Variants in ZNF251 observed in about 807,000 individuals in gnomAD.
ZNF251 encodes zinc finger protein 251.
Under a neutral mutation model 13.5 loss-of-function variants are expected in ZNF251, and 14 were observed. The ratio of observed to expected loss-of-function variants is 1.04; its 90% CI spans 0.69 to 1.63. The LOEUF (loss-of-function observed/expected upper bound fraction) is 1.63. Ranked by LOEUF, ZNF251 falls within the 40% of genes most tolerant of loss-of-function variation. ZNF251 has a pLI of 0.00. For synonymous variants in ZNF251, 287 were observed against 295.2 expected (o/e 0.97, Z 0.28); for missense variants, 764 against 834.9 (o/e 0.92, Z 1.05).
chr8:144,735,322 G>A (rs1823846240), intron 4 of ZNF251, among the ~76,000 whole-genome samples: 1 of 149,880 alleles, frequency 6.7e-6, no homozygotes, highest in South Asian at 2.1e-4. Context: ...AGGAGGCAGA[G>A]GTTGCAGTGA....
At chr8:144,742,901 ATG>A (rs1416037635) in intron 4 of ZNF251, among the ~76,000 whole-genome samples, 1 of 152,078 alleles carries the variant, frequency 6.6e-6, no homozygotes, top group African/African-American at 2.4e-5. Flanking sequence ...TGGGTTTCAC[ATG>A]TGTTTGGTTG....
chr8:144,755,113 G>A, intron 1 of ZNF251: 1 of 1,227,208 alleles, frequency 8.1e-7, no homozygotes, highest in East Asian at 5.1e-5. Context: ...GGGGCAAAGA[G>A]CCACGTGAGG....
chr8:144,727,614 G>A (rs188735566), intron 4 of ZNF251, among the ~76,000 whole-genome samples: 4 of 152,200 alleles, frequency 2.6e-5, no homozygotes, highest in African/African-American at 9.6e-5. Flanking sequence ...CTCAGCTTTC[G>A]CATAATTGAA....
rs900178114 is a variant in ZNF251 at position 144,755,426 on chromosome 8, G to C, written c.-97C>G. ...CCACCTGTTTGCTCGACCCGGGGAA[G>C]CCACCGAGGAAGCGCCGAGGAGCTG... On this transcript the variant is annotated 5_prime_UTR_variant, in exon 1 of 5. Coordinates refer to ENST00000292562, the MANE Select transcript of ZNF251 (RefSeq NM_138367.2). 3.9e-6 allele frequency: 5 copies of C among 1,287,914 alleles called. No homozygotes were observed. Among genetic ancestry groups the C allele is most frequent in the Admixed American group, 2.3e-5 (1 of 43,578 alleles). 79.8% of individuals were successfully genotyped at this position (1,287,914 alleles called of 1,614,324 possible). A position where few individuals can be genotyped will look rare whatever the true frequency, so the allele number is the denominator to read the frequency against.
chr8:144,739,914 C>T (rs1381151511), intron 4 of ZNF251, among the ~76,000 whole-genome samples: 1 of 151,732 alleles, frequency 6.6e-6, no homozygotes, highest in East Asian at 1.9e-4. Context: ...AAAAGCATTT[C>T]ATTATCTGGT....
chr8:144,733,397 C>T (rs1189651450), intron 4 of ZNF251, among the ~76,000 whole-genome samples: 1 of 152,208 alleles, frequency 6.6e-6, no homozygotes, highest in Non-Finnish European at 1.5e-5. Context: ...CAGTGCAGCA[C>T]GCCTGTTTCT....
chr8:144,747,330 T>C (rs1824475515), intron 4 of ZNF251, among the ~76,000 whole-genome samples: 1 of 152,096 alleles, frequency 6.6e-6, no homozygotes, highest in African/African-American at 2.4e-5. Flanking sequence ...CATTCTATGT[T>C]TTCTATTCTT....
In ZNF251 at chr8:144,740,077, G is replaced by A. The variant is rs556542377; in HGVS notation, c.277+13606C>T. ...GAGGCGGGCAGATCACCTGAGGTCC[G>A]GAGTTCGAGACCAGCCTGACCAACA... On this transcript the variant is annotated intron_variant, in intron 4 of 4. Transcript: ENST00000292562. Among the ~76,000 whole-genome samples, 39 of 151,980 alleles carry A rather than the reference G, an allele frequency of 2.6e-4. 1 individual carries two copies. In the South Asian group the frequency reaches 7.9e-3, roughly 31 times the overall value.
intron 4 of ZNF251, among the ~76,000 whole-genome samples, chr8:144,727,240 T>C (rs1823546545): frequency 1.3e-5 from 2 of 152,228 alleles, no homozygotes; most frequent in Admixed American, 1.3e-4. Flanking sequence ...GCCGGTTCCA[T>C]GGCTGGGTCT....
intron 1 of ZNF251, 193 bp from the exon 2 acceptor site, chr8:144,754,996 T>G (rs1824891119): frequency 7.2e-7 from 1 of 1,391,428 alleles, no homozygotes; most frequent in South Asian, 1.7e-5. Context: ...CCCGGGGGGA[T>G]CCAGGGACGC....
At chr8:144,743,279 G>A (rs1226998724) in intron 4 of ZNF251, among the ~76,000 whole-genome samples, 13 of 152,146 alleles carry the variant, frequency 8.5e-5, no homozygotes, top group Non-Finnish European at 1.5e-4. Context: ...GGCCAGGCTC[G>A]TCTCGAACTG....
rs1217671788 is a variant in ZNF251, at chr8:144,722,519, G to A, written c.1141C>T (p.Gln381Ter). ...HTGEKPHKCN[Q>*]CGKAFSQSSS... ...CTCTGACTGAAGGCCTTCCCACACT[G>A]ATTGCATTTATGGGGCTTCTCTCCA... The change falls in exon 5 of 5, where the codon CAG (glutamine) becomes TAG (stop). Residue 381 changes from glutamine (Q) to a stop codon, truncating the protein, a stop_gained. Coordinates refer to ENST00000292562, the MANE Select transcript of ZNF251 (RefSeq NM_138367.2). LOFTEE classifies it low-confidence loss of function (END_TRUNC). This position sits in a 1 kb window ranked among gnomAD's most constrained non-coding sequence, Gnocchi z 4.8. The A allele has an allele frequency of 1.2e-6, 2 of 1,612,414 alleles. No individual in the cohort carries two copies. Among genetic ancestry groups the A allele is most frequent in the Non-Finnish European group, 1.7e-6 (2 of 1,179,516 alleles).
chr8:144,735,815 G>A (rs1304598982), intron 4 of ZNF251, among the ~76,000 whole-genome samples: 1 of 152,152 alleles, frequency 6.6e-6, no homozygotes, highest in East Asian at 1.9e-4. Context: ...GGGGTACCAT[G>A]GGACTATCTC....
intron 4 of ZNF251, among the ~76,000 whole-genome samples, chr8:144,746,011 T>C (rs2722492): frequency 6.6e-6 from 1 of 152,210 alleles, no homozygotes; most frequent in Non-Finnish European, 1.5e-5. Context: ...ATTTTGTACA[T>C]ATTTTGTTAG....
In ZNF251 at chr8:144,721,209, C is replaced by T. The variant is rs529975191; in HGVS notation, c.*435G>A. ...AGGTGGTGGAGAGAGTAAGGCTAAGCGCCCCCAGCAGGCCCAAGTTCTCTG... is the reference window on the plus strand; with the variant it reads ...AGGTGGTGGAGAGAGTAAGGCTAAGTGCCCCCAGCAGGCCCAAGTTCTCTG... On this transcript the variant is annotated 3_prime_UTR_variant, in exon 5 of 5. Transcript: ENST00000292562. 3.4e-5 allele frequency: 7 copies of T among 205,800 alleles called. No homozygotes were observed. The highest frequency in any genetic ancestry group is 3.8e-4 in the South Asian group (2 of 5,278). 12.7% of individuals were successfully genotyped at this position (205,800 alleles called of 1,614,324 possible). A position where few individuals can be genotyped will look rare whatever the true frequency, so the allele number is the denominator to read the frequency against.
At chr8:144,727,727 T>C (rs1823558948) in intron 4 of ZNF251, among the ~76,000 whole-genome samples, 1 of 152,250 alleles carries the variant, frequency 6.6e-6, no homozygotes. Flanking sequence ...ACTGTCTCCA[T>C]ATCAGCAATA....
chr8:144,726,762 C>T (rs964123710), intron 4 of ZNF251, among the ~76,000 whole-genome samples: 1 of 151,844 alleles, frequency 6.6e-6, no homozygotes, highest in African/African-American at 2.4e-5. Context: ...CCCAGCTACT[C>T]GAGAGGCTGA....
At chr8:144,731,649 C>T (rs761623057) in intron 4 of ZNF251, among the ~76,000 whole-genome samples, 15 of 152,194 alleles carry the variant, frequency 9.9e-5, no homozygotes, top group Admixed American at 2.0e-4. Flanking sequence ...TGCAGTGGCA[C>T]GATTTCTGCT....
At chr8:144,727,781 C>T (rs1823559909) in intron 4 of ZNF251, among the ~76,000 whole-genome samples, 1 of 152,150 alleles carries the variant, frequency 6.6e-6, no homozygotes, top group Non-Finnish European at 1.5e-5. Context: ...ACCAGAATAG[C>T]ACTCCCAATT....
Sources: allele counts gnomAD v4.1 joint callset (sites outside exome capture counted in the v4.1 genomes callset), GRCh38; gene constraint gnomAD v4.1.1; non-coding constraint Gnocchi (gnomAD v3.1); transcripts MANE v1.5; gene names NCBI Gene and HGNC (gene_info 2026-07-23, HGNC 2026-07-21).